The following LRRC4C variants were observed in gnomAD, a reference collection of about 807,000 sequenced individuals.
LRRC4C encodes the protein leucine-rich repeat-containing protein 4C.
Under a neutral mutation model 33.6 loss-of-function variants are expected in LRRC4C, and 5 were observed. That is an observed-to-expected ratio of 0.15 (90% CI 0.08 to 0.31). The LOEUF is 0.31. Among genes scored for constraint, LRRC4C ranks in the 10% least tolerant of loss-of-function variants. The pLI is 1.00. For missense variants in LRRC4C, 560 were observed against 796.7 expected (o/e 0.70, Z 3.58); for synonymous variants, 329 against 302.0 (o/e 1.09, Z -0.93).
intron 3 of LRRC4C, among the ~76,000 whole-genome samples, chr11:40,480,534 C>G (rs1374374818): frequency 6.6e-6 from 1 of 151,740 alleles, no homozygotes; most frequent in Non-Finnish European, 1.5e-5. Flanking sequence ...ATGCTTATTA[C>G]CTGGGTGATG....
chr11:40,798,078 C>A (rs1950903310), intron 2 of LRRC4C, among the ~76,000 whole-genome samples: 1 of 152,132 alleles, frequency 6.6e-6, no homozygotes, highest in Non-Finnish European at 1.5e-5. Flanking sequence ...CCTACATAGG[C>A]AATTTTCAAG....
Position 40,116,016 on chromosome 11 carries a change from C to T in LRRC4C, c.277G>A (p.Val93Met). The T allele has an allele frequency of 6.2e-7, 1 of 1,614,114 alleles. No homozygotes were observed. Among genetic ancestry groups the T allele is most frequent in the Non-Finnish European group, 8.5e-7 (1 of 1,180,026 alleles). ...TGTCTCAAGTGCTTGAAGCTGTTCACTTTGATGATCTGGATTTGGTTCTCA... is the reference window on the plus strand; with the variant it reads ...TGTCTCAAGTGCTTGAAGCTGTTCATTTTGATGATCTGGATTTGGTTCTCA... ...LHENQIQIIK[V>M]NSFKHLRHLE... The change falls in exon 7 of 7, where the codon GTG becomes ATG. Residue 93 changes from valine to methionine, a missense_variant. This residue lies in a region of LRRC4C where 455 missense variants were observed against 643.8 expected (regional missense o/e 0.71). Coordinates refer to ENST00000528697, the MANE Select transcript of LRRC4C (RefSeq NM_001258419.2).
intron 5 of LRRC4C, among the ~76,000 whole-genome samples, chr11:40,172,433 A>C (rs1366941883): frequency 6.6e-6 from 1 of 152,156 alleles, no homozygotes; most frequent in African/African-American, 2.4e-5. Context: ...GATCACTATC[A>C]TTCCCTCGAT....
At chr11:40,770,007 TATC>T (rs1949676300) in intron 2 of LRRC4C, among the ~76,000 whole-genome samples, 1 of 151,804 alleles carries the variant, frequency 6.6e-6, no homozygotes, top group Admixed American at 6.6e-5. Flanking sequence ...GAACAAATAG[TATC>T]ATATCAAGTT....
intron 2 of LRRC4C, among the ~76,000 whole-genome samples, chr11:40,931,560 A>G (rs185967679): frequency 3.3e-4 from 50 of 152,144 alleles, no homozygotes; most frequent in Non-Finnish European, 5.7e-4. Context: ...TCGCATGCAT[A>G]TATTTGTTTA....
chr11:41,364,027 C>G (rs557355406), intron 1 of LRRC4C, among the ~76,000 whole-genome samples: 20 of 152,198 alleles, frequency 1.3e-4, no homozygotes, highest in African/African-American at 4.6e-4. Flanking sequence ...AAAGTTCCAA[C>G]ACACTAGATG....
intron 3 of LRRC4C, among the ~76,000 whole-genome samples, chr11:40,497,180 C>T (rs1035796997): frequency 1.3e-4 from 19 of 151,944 alleles, no homozygotes; most frequent in Admixed American, 9.8e-4. Flanking sequence ...CAGAGGCGGG[C>T]GGATCACGAA....
At position 41,388,612 on chromosome 11, in the gene LRRC4C, G is replaced by A. The variant is rs138400559; in HGVS notation, c.-496+70819C>T. Among the ~76,000 whole-genome samples the A allele has an allele frequency of 7.9e-5, 12 of 152,022 alleles. No homozygotes were observed. The East Asian group carries it at 2.3e-3, about 30-fold the overall frequency. ...GAAGAATCAGTTGAATTAGCTGAAT[G>A]GCTAGGAAGGCATTTGGTAAACTAG... On this transcript the variant is annotated intron_variant, in intron 1 of 6. Transcript: ENST00000528697.
In LRRC4C at chr11:40,555,928, T is replaced by G. The variant is rs932243005; in HGVS notation, c.-270+92214A>C. Among the ~76,000 whole-genome samples, 15 of 152,334 alleles carry G rather than the reference T, an allele frequency of 9.8e-5. No individual in the cohort carries two copies. The East Asian group carries it at 2.9e-3, about 29-fold the overall frequency. On this transcript the variant is annotated intron_variant, in intron 3 of 6. Transcript: ENST00000528697. ...TCATGAAATGCATTTATTTTCAATG[T>G]TCCTTATTTTATTTTCAATTTTTTA...
At chr11:40,496,058 C>T (rs563730876) in intron 3 of LRRC4C, among the ~76,000 whole-genome samples, 5 of 151,822 alleles carry the variant, frequency 3.3e-5, no homozygotes, top group African/African-American at 9.7e-5. Context: ...TTCGAACTCC[C>T]GACCTCGGGT....
chr11:40,125,787 A>G, intron 6 of LRRC4C, among the ~76,000 whole-genome samples: 1 of 152,196 alleles, frequency 6.6e-6, no homozygotes, highest in East Asian at 1.9e-4. Context: ...GAATGCTAGA[A>G]TACACAGGAG....
intron 1 of LRRC4C, among the ~76,000 whole-genome samples, chr11:41,046,021 G>C (rs529976296): frequency 9.7e-4 from 148 of 152,120 alleles, no homozygotes; most frequent in African/African-American, 3.4e-3. Context: ...CCAGTAGAAA[G>C]AAAAAGACAA....
chr11:41,017,562 G>A (rs182327754), intron 1 of LRRC4C, among the ~76,000 whole-genome samples: 100 of 152,106 alleles, frequency 6.6e-4, no homozygotes, highest in African/African-American at 2.4e-3. Flanking sequence ...TTGATCTAGA[G>A]ACCGAGGTTA....
intron 3 of LRRC4C, among the ~76,000 whole-genome samples, chr11:40,360,936 G>A (rs926426243): frequency 6.6e-6 from 1 of 152,030 alleles, no homozygotes; most frequent in Non-Finnish European, 1.5e-5. Flanking sequence ...TGCAAGTTTC[G>A]TTCAACATAT....
At chr11:40,770,218 C>T (rs551298077) in intron 2 of LRRC4C, among the ~76,000 whole-genome samples, 46 of 152,236 alleles carry the variant, frequency 3.0e-4, no homozygotes, top group Middle Eastern at 6.8e-3. Flanking sequence ...TCTCAGGAAA[C>T]TTACAATCAT....
intron 3 of LRRC4C, among the ~76,000 whole-genome samples, chr11:40,583,066 A>C (rs1008557196): frequency 6.6e-6 from 1 of 152,062 alleles, no homozygotes; most frequent in African/African-American, 2.4e-5. Context: ...TATTCTTTCT[A>C]CCTAACTCTG....
intron 3 of LRRC4C, among the ~76,000 whole-genome samples, chr11:40,361,107 G>A (rs1000767987): frequency 6.6e-6 from 1 of 152,088 alleles, no homozygotes; most frequent in Admixed American, 6.6e-5. Flanking sequence ...AAAATAATAA[G>A]AGCCATGTAT....
chr11:40,629,818 C>A (rs1963296978), intron 3 of LRRC4C, among the ~76,000 whole-genome samples: 1 of 151,960 alleles, frequency 6.6e-6, no homozygotes, highest in Non-Finnish European at 1.5e-5. Context: ...TTATTTTATA[C>A]AAAAATATAT....
chr11:40,526,287 G>C (rs1414170369), intron 3 of LRRC4C, among the ~76,000 whole-genome samples: 1 of 152,036 alleles, frequency 6.6e-6, no homozygotes, highest in East Asian at 1.9e-4. Context: ...AAGGAGCAAA[G>C]GGGAAGAGCA....
Sources: gnomAD v4.1 joint callset for allele counts (sites outside exome capture counted in the v4.1 genomes callset) on GRCh38, gnomAD v4.1.1 for gene constraint, gnomAD v4.1.1 regional missense constraint, MANE v1.5 for transcripts, NCBI Gene and HGNC (gene_info 2026-07-23, HGNC 2026-07-21) for gene names.